NCKAP5: variants seen among roughly 807,000 people sequenced by gnomAD.
NCKAP5 encodes the protein nck-associated protein 5.
Under a neutral mutation model 167.0 loss-of-function variants are expected in NCKAP5, and 92 were observed. The ratio of observed to expected loss-of-function variants is 0.55; its 90% CI spans 0.47 to 0.66. The LOEUF (loss-of-function observed/expected upper bound fraction) is 0.66, where lower values mean the gene tolerates loss of function less well. Ranked by LOEUF, NCKAP5 falls within the 30% of genes least tolerant of loss-of-function variation. The pLI, the probability that NCKAP5 is intolerant of heterozygous loss-of-function variation, is 0.00. For synonymous variants in NCKAP5, 891 were observed against 877.4 expected, an observed-to-expected ratio of 1.02 and a Z score of -0.27; for missense variants, 2,378 against 2,315.0, an observed-to-expected ratio of 1.03 and a Z score of -0.56.
the NCKAP5 span, among the ~76,000 whole-genome samples, chr2:133,638,562 C>T: frequency 5.3e-5 from 8 of 152,122 alleles, no homozygotes; most frequent in Non-Finnish European, 1.0e-4. Context: ...TCAAAAGACT[C>T]CGAAAAAGTT....
intron 8 of NCKAP5, among the ~76,000 whole-genome samples, chr2:132,948,745 A>G (rs770086116): frequency 1.3e-5 from 2 of 152,168 alleles, no homozygotes; most frequent in Non-Finnish European, 2.9e-5. Context: ...GGCTTCTGAG[A>G]TGACTACAGA....
At chr2:133,527,935 C>T (rs1412793980) in intron 2 of NCKAP5, among the ~76,000 whole-genome samples, 8 of 152,054 alleles carry the variant, frequency 5.3e-5, no homozygotes, top group East Asian at 1.9e-4. Flanking sequence ...TGTGGTGGCA[C>T]GTGCTTGTAG....
At chr2:133,311,835 G>A (rs1681255229) in intron 3 of NCKAP5, among the ~76,000 whole-genome samples, 1 of 152,140 alleles carries the variant, frequency 6.6e-6, no homozygotes, top group Non-Finnish European at 1.5e-5. Context: ...CCAGAAACTG[G>A]GAAGCAGAGA....
At chr2:133,075,151 A>G (rs2080556568) in intron 6 of NCKAP5, among the ~76,000 whole-genome samples, 2 of 152,238 alleles carry the variant, frequency 1.3e-5, no homozygotes, top group East Asian at 1.9e-4. Flanking sequence ...TGATTCAACA[A>G]TTTGAATACC....
At chr2:133,026,850 A>C (rs2078715095) in intron 6 of NCKAP5, among the ~76,000 whole-genome samples, 1 of 152,172 alleles carries the variant, frequency 6.6e-6, no homozygotes, top group Admixed American at 6.5e-5. Context: ...TCGCTTGATG[A>C]ATATTTTTAG....
intron 2 of NCKAP5, chr2:133,527,322 G>A (rs1008731258): frequency 6.6e-6 from 1 of 152,172 alleles, no homozygotes; most frequent in Non-Finnish European, 1.5e-5. Flanking sequence ...TTGTGCACAA[G>A]TGAAACACCA....
At chr2:132,987,533 T>G (rs2077323400) in intron 7 of NCKAP5, among the ~76,000 whole-genome samples, 1 of 152,136 alleles carries the variant, frequency 6.6e-6, no homozygotes, top group Admixed American at 6.6e-5. Flanking sequence ...TTAGATCACT[T>G]TAAATGGAAA....
rs755207287 is a variant in NCKAP5, at chr2:133,262,754, G to A, written c.143+40283C>T. Among the ~76,000 whole-genome samples, 49 of 152,128 alleles carry A rather than the reference G, an allele frequency of 3.2e-4. 1 individual carries two copies. Among genetic ancestry groups the A allele is most frequent in the Admixed American group, 6.5e-5 (1 of 15,284 alleles). ...ACCCAACAGGACAAAACTATTAAAC[G>A]TTTTAAAGGAACAAGGTATCAGCTA... On this transcript the variant is annotated intron_variant, in intron 4 of 19. Transcript: ENST00000409261.
intron 5 of NCKAP5, among the ~76,000 whole-genome samples, chr2:133,190,854 G>T (rs1281566898): frequency 2.0e-5 from 3 of 152,112 alleles, no homozygotes; most frequent in Admixed American, 2.0e-4. Context: ...TCAGGACATA[G>T]GCATGGACAA....
At chr2:132,932,170 T>C (rs1696429674) in intron 8 of NCKAP5, among the ~76,000 whole-genome samples, 1 of 152,240 alleles carries the variant, frequency 6.6e-6, no homozygotes, top group Non-Finnish European at 1.5e-5. Flanking sequence ...GACTGTTTTA[T>C]ATGCCACAGC....
chr2:133,152,842 G>C (rs1035481860), intron 5 of NCKAP5, among the ~76,000 whole-genome samples: 1 of 152,086 alleles, frequency 6.6e-6, no homozygotes, highest in Non-Finnish European at 1.5e-5. Context: ...ACTTACCACT[G>C]TGTTACCATT....
At chr2:133,358,444 G>T (rs944624228) in intron 3 of NCKAP5, among the ~76,000 whole-genome samples, 24 of 152,108 alleles carry the variant, frequency 1.6e-4, no homozygotes, top group African/African-American at 5.3e-4. Context: ...GCCAGGGTAT[G>T]GTGGTACATG....
At chr2:133,316,173 A>G (rs1238925167) in intron 3 of NCKAP5, among the ~76,000 whole-genome samples, 2 of 152,186 alleles carry the variant, frequency 1.3e-5, no homozygotes, top group African/African-American at 4.8e-5. Context: ...ACTTAACACA[A>G]CAAAACAAAC....
At chr2:133,146,403 A>C (rs1319959203) in intron 5 of NCKAP5, among the ~76,000 whole-genome samples, 1 of 152,096 alleles carries the variant, frequency 6.6e-6, no homozygotes, top group African/African-American at 2.4e-5. Context: ...TGCGACTACC[A>C]TTCTAGATCA....
At chr2:133,087,585 T>C (rs1225000994) in intron 6 of NCKAP5, among the ~76,000 whole-genome samples, 4 of 152,210 alleles carry the variant, frequency 2.6e-5, no homozygotes, top group Non-Finnish European at 5.9e-5. Flanking sequence ...CTTGGCTATT[T>C]CCCTCCAAAC....
intron 6 of NCKAP5, among the ~76,000 whole-genome samples, chr2:133,018,147 G>T (rs904893897): frequency 2.0e-5 from 3 of 152,058 alleles, no homozygotes; most frequent in Admixed American, 6.5e-5. Context: ...ATGTCCTGGG[G>T]TGCCTATTCT....
chr2:133,359,182 C>T (rs1055309675), intron 3 of NCKAP5, among the ~76,000 whole-genome samples: 1 of 152,136 alleles, frequency 6.6e-6, no homozygotes, highest in Non-Finnish European at 1.5e-5. Flanking sequence ...TCAGATATTG[C>T]GGCTCCCAGT....
the NCKAP5 span, among the ~76,000 whole-genome samples, chr2:133,601,815 C>T: frequency 1.3e-5 from 2 of 151,892 alleles, no homozygotes; most frequent in Non-Finnish European, 2.9e-5. Context: ...TCCTAAGATA[C>T]GAATGTCCTA....
At chr2:132,970,095 T>C (rs2076788651) in intron 7 of NCKAP5, among the ~76,000 whole-genome samples, 1 of 152,096 alleles carries the variant, frequency 6.6e-6, no homozygotes, top group Non-Finnish European at 1.5e-5. Context: ...CTATACCCTA[T>C]CCACAGATCA....
Sources: allele counts gnomAD v4.1 joint callset (sites outside exome capture counted in the v4.1 genomes callset), GRCh38; gene constraint gnomAD v4.1.1; transcripts MANE v1.5; gene names NCBI Gene and HGNC (gene_info 2026-07-23, HGNC 2026-07-21).